MTHFD2L: variants seen among roughly 807,000 people sequenced by gnomAD.
The protein encoded by MTHFD2L is bifunctional methylenetetrahydrofolate dehydrogenase/cyclohydrolase 2, mitochondrial.
A neutral mutation model predicts 34.9 loss-of-function variants in MTHFD2L; 29 were observed. The ratio of observed to expected loss-of-function variants is 0.83; its 90% CI spans 0.62 to 1.13. The LOEUF (loss-of-function observed/expected upper bound fraction) is 1.13. Among genes scored for constraint, MTHFD2L ranks in the 50% most tolerant of loss-of-function variants. The pLI, the probability that MTHFD2L is intolerant of heterozygous loss-of-function variation, is 0.00. For synonymous variants in MTHFD2L, 167 were observed against 155.7 expected (o/e 1.07, Z -0.54); for missense variants, 481 against 446.5 (o/e 1.08, Z -0.70).
intron 7 of MTHFD2L, among the ~76,000 whole-genome samples, chr4:74,298,296 C>T (rs1239695815): frequency 6.6e-6 from 1 of 152,006 alleles, no homozygotes; most frequent in African/African-American, 2.4e-5. Context: ...TTCAGAGAAG[C>T]CCTAGCCCAG....
intron 3 of MTHFD2L, among the ~76,000 whole-genome samples, chr4:74,193,223 C>A (rs116023986): frequency 5.3e-5 from 8 of 152,266 alleles, no homozygotes; most frequent in African/African-American, 1.9e-4. Flanking sequence ...ACTTTGCTTT[C>A]GCATTGAATT....
intron 6 of MTHFD2L, among the ~76,000 whole-genome samples, chr4:74,247,828 G>A (rs933691859): frequency 2.0e-5 from 3 of 152,124 alleles, no homozygotes; most frequent in Non-Finnish European, 1.5e-5. Context: ...CAGGGATGAA[G>A]CCCACTTGAT....
intron 5 of MTHFD2L, among the ~76,000 whole-genome samples, chr4:74,211,141 G>A (rs1006607981): frequency 5.9e-4 from 90 of 152,252 alleles, no homozygotes; most frequent in African/African-American, 2.1e-3. Context: ...GAGACAATAT[G>A]ACTTCCTCTC....
At chr4:74,159,335 C>G (rs1024557172) in intron 1 of MTHFD2L, among the ~76,000 whole-genome samples, 2 of 152,110 alleles carry the variant, frequency 1.3e-5, no homozygotes, top group Admixed American at 1.3e-4. Context: ...TAAGAATGTT[C>G]CACTTAGTTT....
chr4:74,233,356 T>G (rs1381444278), intron 6 of MTHFD2L, among the ~76,000 whole-genome samples: 1 of 152,178 alleles, frequency 6.6e-6, no homozygotes, highest in Non-Finnish European at 1.5e-5. Flanking sequence ...GAGGGTTTGG[T>G]TTTAAATTCA....
At chr4:74,150,926 A>G (rs1723897423) in intron 1 of MTHFD2L, among the ~76,000 whole-genome samples, 1 of 152,056 alleles carries the variant, frequency 6.6e-6, no homozygotes, top group Non-Finnish European at 1.5e-5. Flanking sequence ...TAGATAAACT[A>G]TATGGAATCT....
intron 6 of MTHFD2L, 143 bp from the exon 7 acceptor site, chr4:74,281,282 T>C: frequency 1.3e-6 from 1 of 777,566 alleles, no homozygotes; most frequent in Non-Finnish European, 1.9e-6. Context: ...GGATCAGAAA[T>C]CATCAATGGC....
chr4:74,228,079 G>A (rs575066031), intron 6 of MTHFD2L, among the ~76,000 whole-genome samples: 2 of 152,100 alleles, frequency 1.3e-5, no homozygotes, highest in African/African-American at 4.8e-5. Context: ...CAGTAAGCTG[G>A]TACAGATAAC....
intron 1 of MTHFD2L, among the ~76,000 whole-genome samples, chr4:74,131,634 A>G (rs1266772208): frequency 1.3e-5 from 2 of 152,216 alleles, no homozygotes; most frequent in Non-Finnish European, 2.9e-5. Context: ...AATGCCCAAG[A>G]AGAAAACCTA....
At chr4:74,138,340 G>A (rs972441562) in intron 1 of MTHFD2L, among the ~76,000 whole-genome samples, 1 of 152,118 alleles carries the variant, frequency 6.6e-6, no homozygotes, top group African/African-American at 2.4e-5. Context: ...GATGTGGCAG[G>A]CAGCTCCCAA....
At chr4:74,250,019 G>A (rs1006955889) in intron 6 of MTHFD2L, among the ~76,000 whole-genome samples, 1 of 15,312 alleles carries the variant, frequency 6.5e-5, no homozygotes, top group Non-Finnish European at 5.9e-4. Context: ...GAATCTGAAT[G>A]TTGCCTGCCT....
chr4:74,158,577 A>T (rs146365141), intron 1 of MTHFD2L, among the ~76,000 whole-genome samples: 2 of 152,184 alleles, frequency 1.3e-5, no homozygotes, highest in African/African-American at 2.4e-5. Flanking sequence ...AAAAGGTAGT[A>T]TAAAAACACG....
chr4:74,162,815 ACAT>A (rs1725751237), intron 1 of MTHFD2L, among the ~76,000 whole-genome samples: 1 of 152,164 alleles, frequency 6.6e-6, no homozygotes, highest in Admixed American at 6.5e-5. Flanking sequence ...GCTTGAACCC[ACAT>A]CATCTTTCCG....
intron 7 of MTHFD2L, among the ~76,000 whole-genome samples, chr4:74,295,199 CTCTT>C (rs1264685140): frequency 3.9e-5 from 6 of 152,116 alleles, no homozygotes; most frequent in Non-Finnish European, 1.5e-5. Context: ...CCGGCCTCCT[CTCTT>C]TCTTCTCGCT....
At chr4:74,134,877 CAA>C (rs1722796102) in intron 1 of MTHFD2L, among the ~76,000 whole-genome samples, 1 of 151,450 alleles carries the variant, frequency 6.6e-6, no homozygotes, top group East Asian at 1.9e-4. Flanking sequence ...AGAAGAGAAT[CAA>C]TGAGCTCAAA....
At chr4:74,168,662 A>G (rs1727272144) in intron 1 of MTHFD2L, among the ~76,000 whole-genome samples, 1 of 152,188 alleles carries the variant, frequency 6.6e-6, no homozygotes, top group Non-Finnish European at 1.5e-5. Flanking sequence ...CTTTCAATAT[A>G]TATTTGTTAA....
At chr4:74,245,369 CA>C (rs1235823567) in intron 6 of MTHFD2L, among the ~76,000 whole-genome samples, 11 of 151,336 alleles carry the variant, frequency 7.3e-5, no homozygotes, top group Non-Finnish European at 7.4e-5. Flanking sequence ...TATTGTTTTT[CA>C]AAATAAACAT....
At chr4:74,235,361 G>A (rs1377405527) in intron 6 of MTHFD2L, among the ~76,000 whole-genome samples, 1 of 152,158 alleles carries the variant, frequency 6.6e-6, no homozygotes, top group African/African-American at 2.4e-5. Flanking sequence ...TAAGTATATG[G>A]TGTTGCCATT....
chr4:74,175,325 G>A lies in MTHFD2L; in HGVS notation c.373G>A (p.Glu125Lys), dbSNP rs373614967. Residue 125 changes from glutamate (E) to lysine (K), a missense_variant, in exon 3 of 8, where the codon GAA becomes AAA. By Grantham distance (56) the Glu-to-Lys change is moderately conservative. Coordinates refer to ENST00000325278, the MANE Select transcript of MTHFD2L (RefSeq NM_001144978.3). ...TCTAAAACCTAAGGATGTTTCTCAG[G>A]AAGAACTTTTGGACGTAACTGATCA... ...LILKPKDVSQ[E>K]ELLDVTDQLN... 8.1e-6 allele frequency: 13 copies of A among 1,613,128 alleles called. No homozygotes were observed. Among genetic ancestry groups the A allele is most frequent in the Non-Finnish European group, 1.7e-6 (2 of 1,179,456 alleles).
Sources: gnomAD v4.1 joint callset for allele counts (sites outside exome capture counted in the v4.1 genomes callset) on GRCh38, gnomAD v4.1.1 for gene constraint, MANE v1.5 for transcripts, NCBI Gene and HGNC (gene_info 2026-07-23, HGNC 2026-07-21) for gene names.